GABBR2: variants seen among roughly 807,000 people sequenced by gnomAD.
GABBR2 encodes gamma-aminobutyric acid type B receptor subunit 2.
GABBR2 carries 23 observed loss-of-function variants against 105.6 expected under a neutral mutation model. The observed-to-expected ratio is 0.22, with a 90% CI of 0.16 to 0.31. The LOEUF (loss-of-function observed/expected upper bound fraction) is 0.31. GABBR2 is among the 10% of genes least tolerant of loss of function. The pLI is 1.00. For missense variants in GABBR2, 734 were observed against 1,245.5 expected, an observed-to-expected ratio of 0.59 and a Z score of 6.18; for synonymous variants, 478 against 499.7, an observed-to-expected ratio of 0.96 and a Z score of 0.58.
intron 12 of GABBR2, among the ~76,000 whole-genome samples, chr9:98,367,886 A>G (rs1207740826): frequency 6.6e-6 from 1 of 152,186 alleles, no homozygotes; most frequent in Non-Finnish European, 1.5e-5. Flanking sequence ...TCACAGTTCC[A>G]GTTTTTTACA....
chr9:98,389,757 G>T (rs1253353770), intron 9 of GABBR2, among the ~76,000 whole-genome samples: 3 of 152,182 alleles, frequency 2.0e-5, no homozygotes, highest in Non-Finnish European at 4.4e-5. Flanking sequence ...AGTTTTAGCA[G>T]ACATAGACTG....
At chr9:98,446,572 A>G (rs1433540435) in intron 7 of GABBR2, among the ~76,000 whole-genome samples, 2 of 152,274 alleles carry the variant, frequency 1.3e-5, no homozygotes, top group South Asian at 4.2e-4. Flanking sequence ...GGAGGGAGAG[A>G]GATTAGAGTC....
chr9:98,616,526 G>A (rs1194666482), intron 1 of GABBR2, among the ~76,000 whole-genome samples: 7 of 152,204 alleles, frequency 4.6e-5, no homozygotes, highest in African/African-American at 1.7e-4. Context: ...GGCCGAGGTA[G>A]GCAGATCATT....
At chr9:98,518,323 TAA>T (rs959907512) in intron 3 of GABBR2, among the ~76,000 whole-genome samples, 1 of 150,380 alleles carries the variant, frequency 6.6e-6, no homozygotes, top group African/African-American at 2.4e-5. Context: ...ACTGTAGATA[TAA>T]GTTTTTCAGG....
At chr9:98,456,409 G>A (rs2131606771) in intron 6 of GABBR2, among the ~76,000 whole-genome samples, 1 of 152,198 alleles carries the variant, frequency 6.6e-6, no homozygotes, top group East Asian at 1.9e-4. Context: ...GAGGCCAGGG[G>A]TTTTTATCTT....
intron 3 of GABBR2, among the ~76,000 whole-genome samples, chr9:98,515,441 C>G (rs530695533): frequency 1.3e-5 from 2 of 152,302 alleles, no homozygotes; most frequent in Admixed American, 6.5e-5. Flanking sequence ...TTATTAGCAG[C>G]TTTCTTTCCA....
chr9:98,694,885 T>C (rs1830729027), intron 1 of GABBR2, among the ~76,000 whole-genome samples: 1 of 152,226 alleles, frequency 6.6e-6, no homozygotes, highest in South Asian at 2.1e-4. Context: ...AGCATCAGCA[T>C]TGGGTCACCC....
intron 1 of GABBR2, among the ~76,000 whole-genome samples, chr9:98,598,068 C>A (rs1447341895): frequency 1.3e-5 from 2 of 152,120 alleles, no homozygotes; most frequent in African/African-American, 4.8e-5. Context: ...GGCAATCCAC[C>A]CGCCTTGGCC....
intron 1 of GABBR2, among the ~76,000 whole-genome samples, chr9:98,626,141 G>A (rs565190420): frequency 5.4e-4 from 82 of 152,322 alleles, no homozygotes; most frequent in Non-Finnish European, 9.4e-4. Context: ...AGAGGCTGTC[G>A]CAAAGGACCA....
intron 2 of GABBR2, among the ~76,000 whole-genome samples, chr9:98,573,759 T>A (rs1179740): frequency 3.3e-5 from 5 of 152,008 alleles, no homozygotes; most frequent in Non-Finnish European, 1.5e-5. Flanking sequence ...ACTGTTAGTC[T>A]CCTAAGAAGT....
At chr9:98,537,064 G>A (rs901942479) in intron 3 of GABBR2, among the ~76,000 whole-genome samples, 5 of 152,152 alleles carry the variant, frequency 3.3e-5, no homozygotes, top group African/African-American at 7.2e-5. Flanking sequence ...AGTTCTCAAC[G>A]CTGGCGACAC....
At chr9:98,513,352 A>T (rs1046495936) in intron 3 of GABBR2, among the ~76,000 whole-genome samples, 191 of 152,328 alleles carry the variant, frequency 1.3e-3, no homozygotes, top group African/African-American at 4.5e-3. Flanking sequence ...ATGGGCAAGG[A>T]CTTCATGTCT....
In GABBR2 at chr9:98,293,827, C is replaced by T. The variant is rs368856308; in HGVS notation, c.2618G>A (p.Arg873Gln). 4.3e-5 allele frequency: 70 copies of T among 1,610,504 alleles called. No homozygotes were observed. The highest frequency in any genetic ancestry group is 2.5e-4 in the East Asian group (11 of 44,878). The change falls in exon 18 of 19, where the codon CGA becomes CAA. Residue 873 changes from arginine to glutamine, a missense_variant. By Grantham distance (43) the Arg-to-Gln change is conservative (BLOSUM62 1). Transcript: ENST00000259455. ...ATCTTCTATAGGATCTTTGCATGTT[C>T]GAGAGGGCTCTGTTGTGTTCCACTG... ...QLQWNTTEPS[R>Q]TCKDPIEDIN... is the part of the protein sequence containing the mutation.
intron 8 of GABBR2, among the ~76,000 whole-genome samples, chr9:98,396,344 G>A (rs563285975): frequency 6.6e-6 from 1 of 152,242 alleles, no homozygotes. Context: ...GCCTCCTGGG[G>A]CTCTAGCTCT....
rs191842855 is a variant in GABBR2, at chr9:98,576,983, G to T, written c.459+952C>A. On this transcript the variant is annotated intron_variant, in intron 2 of 18. Coordinates refer to ENST00000259455, the MANE Select transcript of GABBR2 (RefSeq NM_005458.8). ...GAATGGGTGGGTGGATGTATGGATG[G>T]ATGGATGTATGGGTGGATGGATGGA... 1.5e-3 allele frequency among the ~76,000 whole-genome samples: 232 copies of T among 150,482 alleles called. 1 individual carries two copies. Among genetic ancestry groups the T allele is most frequent in the African/African-American group, 5.5e-3 (226 of 40,982 alleles).
At chr9:98,309,725 C>T (rs1298164988) in intron 14 of GABBR2, among the ~76,000 whole-genome samples, 1 of 152,216 alleles carries the variant, frequency 6.6e-6, no homozygotes, top group East Asian at 1.9e-4. Flanking sequence ...TGGGTACCTC[C>T]TGTGGACACC....
intron 13 of GABBR2, among the ~76,000 whole-genome samples, chr9:98,312,802 T>C (rs1264400432): frequency 1.3e-5 from 2 of 152,132 alleles, no homozygotes; most frequent in Non-Finnish European, 2.9e-5. Flanking sequence ...CAGGCTGGAG[T>C]GCAATGTCGT....
intron 8 of GABBR2, among the ~76,000 whole-genome samples, chr9:98,394,459 C>T (rs1832250985): frequency 6.6e-6 from 1 of 152,232 alleles, no homozygotes; most frequent in African/African-American, 2.4e-5. Context: ...TCTGTCTCAT[C>T]AACTGGTTGT....
At chr9:98,389,813 C>T (rs1219968821) in intron 9 of GABBR2, among the ~76,000 whole-genome samples, 1 of 152,122 alleles carries the variant, frequency 6.6e-6, no homozygotes, top group African/African-American at 2.4e-5. Flanking sequence ...CCTGCGAATC[C>T]CTCTTTCTTA....
Sources: gnomAD v4.1 joint callset for allele counts (sites outside exome capture counted in the v4.1 genomes callset) on GRCh38, gnomAD v4.1.1 for gene constraint, MANE v1.5 for transcripts, NCBI Gene and HGNC (gene_info 2026-07-23, HGNC 2026-07-21) for gene names.